Variants in PBLD observed in about 807,000 individuals in gnomAD.
The protein encoded by PBLD is phenazine biosynthesis-like domain-containing protein.
In PBLD, 26 loss-of-function variants were observed where a neutral mutation model predicts 31.3. That is an observed-to-expected ratio of 0.83 (90% CI 0.61 to 1.15). The LOEUF is 1.15. Ranked by LOEUF, PBLD falls within the 50% of genes most tolerant of loss-of-function variation. PBLD has a pLI of 0.00. For synonymous variants in PBLD, 114 were observed against 129.0 expected (o/e 0.88, Z 0.79); for missense variants, 307 against 351.7 (o/e 0.87, Z 1.02).
chr10:68,309,559 T>C (rs1359005900), intron 1 of PBLD, among the ~76,000 whole-genome samples: 3 of 147,076 alleles, frequency 2.0e-5, no homozygotes, highest in African/African-American at 7.5e-5. Context: ...TCTGTAATCC[T>C]AGCACTTTGG....
intron 1 of PBLD, among the ~76,000 whole-genome samples, chr10:68,307,666 A>T (rs985910272): frequency 6.6e-6 from 1 of 151,800 alleles, no homozygotes; most frequent in Non-Finnish European, 1.5e-5. Flanking sequence ...CGCCCGGCTA[A>T]TTTTTTGTAT....
chr10:68,314,729 C>T (rs1589667684), intron 1 of PBLD, among the ~76,000 whole-genome samples: 1 of 152,090 alleles, frequency 6.6e-6, no homozygotes, highest in East Asian at 1.9e-4. Context: ...TCCTAAGTAG[C>T]TGGGATTACA....
chr10:68,328,416 C>A (rs369689354), intron 1 of PBLD, among the ~76,000 whole-genome samples: 2 of 152,138 alleles, frequency 1.3e-5, no homozygotes, highest in East Asian at 1.9e-4. Flanking sequence ...AGGCTCTGCA[C>A]GGAATTTTCC....
rs1589643924 is a variant in PBLD, at chr10:68,284,014, T to G, written c.*163A>C. On this transcript the variant is annotated 3_prime_UTR_variant, in exon 10 of 10. Transcript: ENST00000358769. ...CACCCACCTTGGCCTCTCAAAGTGCTACGATTACAGGCATGAGCCACTGCG... is the reference window on the plus strand; with the variant it reads ...CACCCACCTTGGCCTCTCAAAGTGCGACGATTACAGGCATGAGCCACTGCG... 2.9e-5 allele frequency: 17 copies of G among 577,546 alleles called. 1 individual carries two copies. The South Asian group carries it at 3.7e-4, about 12-fold the overall frequency. The allele number at this position is 577,546 out of a possible 1,614,324, so 35.8% of individuals were successfully genotyped here.
intron 2 of PBLD, chr10:68,297,258 T>G: frequency 2.2e-6 from 1 of 451,786 alleles, no homozygotes; most frequent in Non-Finnish European, 4.0e-6. Flanking sequence ...CACAGTAAGA[T>G]CTAGTCTAGC....
chr10:68,283,848 C>A lies in PBLD; in HGVS notation c.*329G>T. ...GCAACTTCTGCCTCCTGGGTTCAAG[C>A]GATTCTCCATGCCTCAGCCTCCCAA... On this transcript the variant is annotated 3_prime_UTR_variant, in exon 10 of 10. Transcript: ENST00000358769. The A allele has an allele frequency of 4.1e-6, 1 of 243,486 alleles. No homozygotes were observed. The highest frequency in any genetic ancestry group is 8.1e-6 in the Non-Finnish European group (1 of 123,334). 15.1% of individuals were successfully genotyped at this position (243,486 alleles called of 1,614,324 possible).
chr10:68,325,719 G>A (rs1212692385), intron 1 of PBLD, among the ~76,000 whole-genome samples: 2 of 152,126 alleles, frequency 1.3e-5, no homozygotes, highest in Non-Finnish European at 2.9e-5. Flanking sequence ...CACTTCTGCC[G>A]TTATTTTGTA....
chr10:68,326,169 T>C (rs1290367030), intron 1 of PBLD, among the ~76,000 whole-genome samples: 1 of 152,100 alleles, frequency 6.6e-6, no homozygotes, highest in Admixed American at 6.6e-5. Flanking sequence ...CCTGAGTAGC[T>C]GGGATTACAG....
intron 1 of PBLD, among the ~76,000 whole-genome samples, chr10:68,325,046 C>A (rs1484269258): frequency 6.6e-6 from 1 of 152,002 alleles, no homozygotes; most frequent in Non-Finnish European, 1.5e-5. Flanking sequence ...GAGTTCAAGA[C>A]CAGCCTGGCC....
chr10:68,319,927 G>A (rs1385353264), intron 1 of PBLD, among the ~76,000 whole-genome samples: 3 of 151,336 alleles, frequency 2.0e-5, no homozygotes, highest in Admixed American at 6.6e-5. Context: ...AGGTTCAAGC[G>A]ATTCTCCTGC....
intron 1 of PBLD, among the ~76,000 whole-genome samples, chr10:68,318,362 AC>A (rs1304235624): frequency 8.1e-6 from 1 of 123,060 alleles, no homozygotes; most frequent in East Asian, 2.7e-4. Context: ...ACACAGCAAG[AC>A]CCTGCCTCTA....
At chr10:68,305,270 C>CT (rs71009039) in intron 2 of PBLD, among the ~76,000 whole-genome samples, 98,127 of 136,004 alleles carry the variant, frequency 0.72, 36,279 homozygotes, top group Middle Eastern at 0.83. Context: ...ATCAGTCCTC[C>CT]TTTTTTTTTT....
intron 2 of PBLD, among the ~76,000 whole-genome samples, chr10:68,298,408 C>T (rs908487201): frequency 2.6e-5 from 4 of 152,166 alleles, no homozygotes; most frequent in African/African-American, 9.7e-5. Context: ...GAGTGGATCG[C>T]TTGAACCCTG....
chr10:68,326,197 C>T (rs1372302478), intron 1 of PBLD, among the ~76,000 whole-genome samples: 6 of 151,912 alleles, frequency 3.9e-5, no homozygotes, highest in East Asian at 1.9e-4. Flanking sequence ...GTATCATGCC[C>T]GGTTAATTAT....
chr10:68,311,893 G>C (rs1040870776), intron 1 of PBLD, among the ~76,000 whole-genome samples: 1 of 152,198 alleles, frequency 6.6e-6, no homozygotes, highest in Non-Finnish European at 1.5e-5. Flanking sequence ...CTGGCTGGGA[G>C]TGCAGCTGGC....
intron 2 of PBLD, among the ~76,000 whole-genome samples, chr10:68,302,994 T>G (rs1174601171): frequency 6.6e-6 from 1 of 152,152 alleles, no homozygotes; most frequent in Admixed American, 6.6e-5. Flanking sequence ...CTATACATTT[T>G]CCATGTTTCT....
At chr10:68,301,763 G>A (rs1256602438) in intron 2 of PBLD, among the ~76,000 whole-genome samples, 1 of 152,140 alleles carries the variant, frequency 6.6e-6, no homozygotes, top group Non-Finnish European at 1.5e-5. Context: ...ATTGGTAATA[G>A]ATTTCTTTGC....
chr10:68,296,414 G>C (rs1305114010), intron 3 of PBLD, 50 bp from the exon 4 acceptor site: 2 of 1,366,334 alleles, frequency 1.5e-6, no homozygotes, highest in Non-Finnish European at 2.1e-6. Flanking sequence ...CATGCAAGCA[G>C]GTCACAGATT....
chr10:68,293,534 T>C (rs1274316045), intron 4 of PBLD, among the ~76,000 whole-genome samples: 1 of 152,204 alleles, frequency 6.6e-6, no homozygotes, highest in Non-Finnish European at 1.5e-5. Context: ...GAGCATAAAA[T>C]TGACATTCAG....
Sources: allele counts gnomAD v4.1 joint callset (sites outside exome capture counted in the v4.1 genomes callset), GRCh38; gene constraint gnomAD v4.1.1; transcripts MANE v1.5; gene names NCBI Gene and HGNC (gene_info 2026-07-23, HGNC 2026-07-21).